ANKAR: variants seen among roughly 807,000 people sequenced by gnomAD.
The protein encoded by ANKAR is ankyrin and armadillo repeat-containing protein.
In ANKAR, 136 loss-of-function variants were observed where a neutral mutation model predicts 146.2. The observed-to-expected ratio is 0.93, with a 90% CI of 0.81 to 1.07. The LOEUF is 1.07. ANKAR is among the 50% of genes least tolerant of loss of function. The pLI is 0.00. For synonymous variants in ANKAR, 500 were observed against 575.8 expected (o/e 0.87, Z 1.88); for missense variants, 1,567 against 1,679.9 (o/e 0.93, Z 1.18).
chr2:189,722,091 T>C (rs1235562511), intron 12 of ANKAR, among the ~76,000 whole-genome samples: 1 of 152,112 alleles, frequency 6.6e-6, no homozygotes, highest in Admixed American at 6.6e-5. Context: ...ACACCTATAA[T>C]CCCAGTATTT....
At chr2:189,707,885 A>T (rs2039168275) in intron 9 of ANKAR, among the ~76,000 whole-genome samples, 1 of 152,164 alleles carries the variant, frequency 6.6e-6, no homozygotes, top group African/African-American at 2.4e-5. Flanking sequence ...CCAAGCCAAC[A>T]GTGGGAAAGC....
chr2:189,737,656 C>A, intron 17 of ANKAR, 27 bp from the exon 18 acceptor site: 1 of 1,568,058 alleles, frequency 6.4e-7, no homozygotes, highest in Admixed American at 2.1e-5. Flanking sequence ...TGAAGTTCAC[C>A]ATAATGCCTG....
At position 189,676,808 on chromosome 2, in the gene ANKAR, G is replaced by A; in HGVS notation, c.318G>A (p.Glu106=). The part of the protein sequence containing the change: ...DYREVHQMIR[E]LAIGIYCLNQ... ...GAGAGGTCCATCAAATGATAAGAGA[G>A]TTGGCTATTGGAATTTATTGCCTAA... The change falls in exon 2 of 23, where the codon GAG becomes GAA. Residue 106 remains glutamate, a synonymous_variant. Transcript: ENST00000684021. The A allele has an allele frequency of 6.2e-7, 1 of 1,614,158 alleles. No individual in the cohort carries two copies.
intron 12 of ANKAR, among the ~76,000 whole-genome samples, chr2:189,721,776 C>G (rs1559118206): frequency 6.6e-6 from 1 of 152,064 alleles, no homozygotes; most frequent in Non-Finnish European, 1.5e-5. Flanking sequence ...TTTCTTCCTG[C>G]TCAGTATATC....
intron 7 of ANKAR, among the ~76,000 whole-genome samples, chr2:189,702,928 G>T (rs1188286694): frequency 6.6e-6 from 1 of 152,126 alleles, no homozygotes; most frequent in East Asian, 1.9e-4. Flanking sequence ...AGTCCAGGGT[G>T]GACAGATAAT....
chr2:189,705,122 G>A lies in ANKAR; in HGVS notation c.1808G>A (p.Gly603Asp), dbSNP rs766973234. 6.2e-7 allele frequency: 1 copy of A among 1,614,070 alleles called. No individual in the cohort carries two copies. The part of the protein sequence containing the change: ...KADYTLSEKR[G>D]WMPIHFAAFY... ...GATTACACGCTTTCTGAAAAAAGAG[G>A]CTGGATGCCGATTCACTTTGCCGCT... Residue 603 changes from glycine to aspartate, a missense_variant, in exon 8 of 23, where the codon GGC becomes GAC. By Grantham distance (94) the Gly-to-Asp change is moderately conservative. Coordinates refer to ENST00000684021, the MANE Select transcript of ANKAR (RefSeq NM_001378068.1).
chr2:189,705,337 C>G, intron 8 of ANKAR, 113 bp downstream of exon 8: 5 of 1,027,710 alleles, frequency 4.9e-6, no homozygotes, highest in Non-Finnish European at 5.7e-6. Flanking sequence ...TGGCTTGCCA[C>G]ACACACTGCC....
intron 7 of ANKAR, among the ~76,000 whole-genome samples, chr2:189,699,739 A>G (rs767544173): frequency 1.3e-5 from 2 of 152,134 alleles, no homozygotes; most frequent in Non-Finnish European, 2.9e-5. Context: ...GGCTCACTGC[A>G]ACTTCCGCCT....
intron 12 of ANKAR, among the ~76,000 whole-genome samples, chr2:189,724,007 A>G (rs956904534): frequency 6.6e-6 from 1 of 152,200 alleles, no homozygotes; most frequent in African/African-American, 2.4e-5. Context: ...CTTTGAGAAA[A>G]CAACAAAAAG....
intron 19 of ANKAR, 149 bp from the exon 20 acceptor site, chr2:189,741,193 T>C: frequency 2.2e-6 from 1 of 455,614 alleles, no homozygotes. Flanking sequence ...TTATTCTATA[T>C]TTACATATGC....
At chr2:189,750,527 C>A (rs1348543447), downstream of ANKAR, 2 of 935,798 alleles carry the variant, frequency 2.1e-6, no homozygotes, top group Non-Finnish European at 1.6e-6. Flanking sequence ...ACAATAAAAA[C>A]TTAATTTTAA....
At chr2:189,759,386 C>A (rs2046630273) in intron 18 of ANKAR, among the ~76,000 whole-genome samples, 1 of 152,078 alleles carries the variant, frequency 6.6e-6, no homozygotes, top group Admixed American at 6.6e-5. Context: ...GTAGCTGCGA[C>A]TACAGGCGTC....
At chr2:189,709,099 AAAAT>A (rs774081735) in intron 9 of ANKAR, among the ~76,000 whole-genome samples, 51 of 150,746 alleles carry the variant, frequency 3.4e-4, no homozygotes, top group African/African-American at 9.5e-4. Flanking sequence ...ACTTCGTCTC[AAAAT>A]AAATAAATAA....
At chr2:189,762,508 A>G, downstream of ANKAR, 5 of 823,534 alleles carry the variant, frequency 6.1e-6, no homozygotes, top group Non-Finnish European at 7.3e-6. Flanking sequence ...AAATCTGGAC[A>G]AGGAGGATTG....
intron 7 of ANKAR, among the ~76,000 whole-genome samples, chr2:189,700,631 G>A (rs2105611338): frequency 6.6e-6 from 1 of 152,120 alleles, no homozygotes; most frequent in African/African-American, 2.4e-5. Flanking sequence ...CAAATACTAG[G>A]TCTTATCTAT....
chr2:189,701,572 T>A (rs2038058674), intron 7 of ANKAR, among the ~76,000 whole-genome samples: 1 of 152,230 alleles, frequency 6.6e-6, no homozygotes, highest in African/African-American at 2.4e-5. Flanking sequence ...GGATTAGAGA[T>A]TTCTTCCTCT....
At chr2:189,735,499 A>C (rs890615899) in intron 17 of ANKAR, among the ~76,000 whole-genome samples, 5 of 152,226 alleles carry the variant, frequency 3.3e-5, no homozygotes, top group African/African-American at 1.2e-4. Flanking sequence ...ATCCTTCATT[A>C]AACCTATAGT....
downstream of ANKAR, among the ~76,000 whole-genome samples, chr2:189,749,961 A>T (rs1271560898): frequency 6.6e-6 from 1 of 152,042 alleles, no homozygotes. Flanking sequence ...ATCTCTACTA[A>T]AAAAACAAAA....
intron 2 of ANKAR, among the ~76,000 whole-genome samples, chr2:189,680,413 A>G (rs1433811992): frequency 6.6e-6 from 1 of 151,478 alleles, no homozygotes; most frequent in Non-Finnish European, 1.5e-5. Context: ...TATCTTTCAC[A>G]TTGTTTTCTT....
Sources: gnomAD v4.1 joint callset for allele counts (sites outside exome capture counted in the v4.1 genomes callset) on GRCh38, gnomAD v4.1.1 for gene constraint, MANE v1.5 for transcripts, NCBI Gene and HGNC (gene_info 2026-07-23, HGNC 2026-07-21) for gene names.